Variants in ARHGAP15 observed in about 807,000 individuals in gnomAD.
The protein encoded by ARHGAP15 is rho GTPase-activating protein 15.
ARHGAP15 carries 51 observed loss-of-function variants against 63.7 expected under a neutral mutation model. The ratio of observed to expected loss-of-function variants is 0.80; its 90% CI spans 0.64 to 1.01. The LOEUF is 1.01. Ranked by LOEUF, ARHGAP15 falls within the 50% of genes least tolerant of loss-of-function variation. The pLI is 0.00. For synonymous variants in ARHGAP15, 191 were observed against 193.8 expected, an observed-to-expected ratio of 0.99 and a Z score of 0.12; for missense variants, 560 against 564.6, an observed-to-expected ratio of 0.99 and a Z score of 0.08.
chr2:143,149,245 G>A (rs112038369), intron 1 of ARHGAP15, among the ~76,000 whole-genome samples: 66 of 152,052 alleles, frequency 4.3e-4, no homozygotes, highest in African/African-American at 1.5e-3. Context: ...GGGGACCTTC[G>A]CTCCTCGTGG....
At chr2:143,507,963 C>A (rs1559016983) in intron 9 of ARHGAP15, among the ~76,000 whole-genome samples, 1 of 151,206 alleles carries the variant, frequency 6.6e-6, no homozygotes, top group Non-Finnish European at 1.5e-5. Context: ...CTCCTCTTAA[C>A]CCCCTTAAAT....
intron 2 of ARHGAP15, among the ~76,000 whole-genome samples, chr2:143,184,526 G>C (rs73962367): frequency 0.018 from 2,803 of 152,066 alleles, 109 homozygotes; most frequent in African/African-American, 0.065. Context: ...TGGATAACTA[G>C]TTATCTAATA....
At chr2:143,215,853 G>A (rs188754571) in intron 3 of ARHGAP15, among the ~76,000 whole-genome samples, 1 of 152,248 alleles carries the variant, frequency 6.6e-6, no homozygotes, top group Non-Finnish European at 1.5e-5. Flanking sequence ...CTACATCATG[G>A]AAGAAGATAA....
At position 143,389,130 on chromosome 2, in the gene ARHGAP15, TA is replaced by T. The variant is rs1450198278; in HGVS notation, c.475-46470del. ...ACATTATTATTATTATTATTATTAT[TA>T]TTATTTTTTATTATTATTATTTTAC... On this transcript the variant is annotated intron_variant, in intron 6 of 13. Coordinates refer to ENST00000295095, the MANE Select transcript of ARHGAP15 (RefSeq NM_018460.4). Among the ~76,000 whole-genome samples, 128 of 148,834 alleles carry T rather than the reference TA, an allele frequency of 8.6e-4. 2 individuals carry two copies. The highest frequency in any genetic ancestry group is 7.0e-3 in the Middle Eastern group (2 of 284).
At chr2:143,498,694 A>T (rs1371655221) in intron 9 of ARHGAP15, among the ~76,000 whole-genome samples, 1 of 152,028 alleles carries the variant, frequency 6.6e-6, no homozygotes, top group Non-Finnish European at 1.5e-5. Context: ...AAATTTGGAA[A>T]CGATTTGATT....
intron 13 of ARHGAP15, among the ~76,000 whole-genome samples, chr2:143,740,424 A>T (rs1327051794): frequency 6.6e-6 from 1 of 152,250 alleles, no homozygotes; most frequent in Non-Finnish European, 1.5e-5. Flanking sequence ...CCCTTGAGCC[A>T]TTACACATGC....
chr2:143,646,326 CTGT>C (rs1405824286), intron 12 of ARHGAP15, among the ~76,000 whole-genome samples: 1 of 152,050 alleles, frequency 6.6e-6, no homozygotes, highest in East Asian at 1.9e-4. Context: ...GATATGAGAC[CTGT>C]TGCATATGCT....
intron 10 of ARHGAP15, among the ~76,000 whole-genome samples, chr2:143,534,369 C>T (rs1393817757): frequency 6.6e-6 from 1 of 152,122 alleles, no homozygotes; most frequent in East Asian, 1.9e-4. Context: ...ATAGGCAGTT[C>T]GTTATAGCAG....
chr2:143,628,159 T>G (rs1046303745), intron 12 of ARHGAP15, among the ~76,000 whole-genome samples: 38 of 152,152 alleles, frequency 2.5e-4, no homozygotes, highest in African/African-American at 8.9e-4. Context: ...GGACATGATT[T>G]CATTCTTTTT....
chr2:143,504,067 C>A (rs571561146), intron 9 of ARHGAP15, among the ~76,000 whole-genome samples: 1 of 152,100 alleles, frequency 6.6e-6, no homozygotes, highest in East Asian at 1.9e-4. Flanking sequence ...TGAATTAGAG[C>A]CTTGGACTTT....
At chr2:143,223,287 T>C (rs1693070940) in intron 4 of ARHGAP15, among the ~76,000 whole-genome samples, 1 of 152,124 alleles carries the variant, frequency 6.6e-6, no homozygotes, top group South Asian at 2.1e-4. Context: ...CACTTGGCAT[T>C]TCTTGCCCTA....
intron 11 of ARHGAP15, among the ~76,000 whole-genome samples, chr2:143,567,620 A>G (rs1696282956): frequency 6.6e-6 from 1 of 152,234 alleles, no homozygotes; most frequent in African/African-American, 2.4e-5. Flanking sequence ...CAGCCCTGCC[A>G]GCCTTGTCCT....
intron 6 of ARHGAP15, among the ~76,000 whole-genome samples, chr2:143,381,004 C>G (rs140944950): frequency 6.6e-6 from 1 of 152,222 alleles, no homozygotes; most frequent in Non-Finnish European, 1.5e-5. Context: ...GTGTGAATGA[C>G]ACGTTAAGAA....
At chr2:143,155,162 A>G (rs1024317698) in intron 1 of ARHGAP15, among the ~76,000 whole-genome samples, 1 of 151,922 alleles carries the variant, frequency 6.6e-6, no homozygotes, top group Non-Finnish European at 1.5e-5. Flanking sequence ...TTGGTGGGCA[A>G]CACCATTTCT....
intron 12 of ARHGAP15, chr2:143,676,267 T>A (rs1682820991): frequency 6.6e-6 from 1 of 152,284 alleles, no homozygotes; most frequent in Non-Finnish European, 1.5e-5. Flanking sequence ...CAAATTTTCT[T>A]CATATCATCA....
At chr2:143,565,269 G>A (rs4416158) in intron 11 of ARHGAP15, among the ~76,000 whole-genome samples, 124,399 of 151,980 alleles carry the variant, frequency 0.82, 51,039 homozygotes, top group South Asian at 0.84. Context: ...TCTCATTATA[G>A]TACTATATTT....
chr2:143,158,432 G>A (rs1347645078), intron 2 of ARHGAP15, among the ~76,000 whole-genome samples: 4 of 151,962 alleles, frequency 2.6e-5, no homozygotes, highest in Non-Finnish European at 4.4e-5. Context: ...TAACCTAAAT[G>A]TTGCAGGAAA....
chr2:143,568,064 A>T (rs1207748007), intron 11 of ARHGAP15, among the ~76,000 whole-genome samples: 2 of 152,154 alleles, frequency 1.3e-5, no homozygotes, highest in Admixed American at 1.3e-4. Context: ...AACCATAAAA[A>T]CCCTAGAAGA....
At position 143,736,338 on chromosome 2, in the gene ARHGAP15, G is replaced by A. The variant is rs141627759; in HGVS notation, c.1245-31651G>A. ...TTGAACCCAGGAGGTGGAGGTTGCA[G>A]TGAGCCCAGATTGTACCACTGCACT... is the stretch of plus-strand genomic sequence containing the variant. On this transcript the variant is annotated intron_variant, in intron 13 of 13. Transcript: ENST00000295095. Among the ~76,000 whole-genome samples, 64 of 151,936 alleles carry A rather than the reference G, an allele frequency of 4.2e-4. No individual in the cohort carries two copies. In the East Asian group the frequency reaches 0.012, roughly 28 times the overall value.
Sources: allele counts gnomAD v4.1 joint callset (sites outside exome capture counted in the v4.1 genomes callset), GRCh38; gene constraint gnomAD v4.1.1; transcripts MANE v1.5; gene names NCBI Gene and HGNC (gene_info 2026-07-23, HGNC 2026-07-21).